Variants in MAGI2 observed in about 807,000 individuals in gnomAD.
MAGI2 encodes membrane associated guanylate kinase, WW and PDZ domain containing 2, also known as membrane-associated guanylate kinase, WW and PDZ domain-containing protein 2.
In MAGI2, 35 loss-of-function variants were observed where a neutral mutation model predicts 133.3. That is an observed-to-expected ratio of 0.26 (90% confidence interval 0.20 to 0.35). The LOEUF (loss-of-function observed/expected upper bound fraction) is 0.35. Among genes scored for constraint, MAGI2 ranks in the 10% least tolerant of loss-of-function variants. The probability of loss-of-function intolerance (pLI) is 1.00; values close to 1 mark genes in which losing one functional copy is unlikely to be tolerated. For missense variants in MAGI2, 1,636 were observed against 1,863.4 expected (o/e 0.88, Z 2.25); for synonymous variants, 729 against 710.6 (o/e 1.03, Z -0.41).
chr7:78,475,310 A>C (rs956862970), intron 6 of MAGI2, among the ~76,000 whole-genome samples: 9 of 151,988 alleles, frequency 5.9e-5, no homozygotes, highest in Admixed American at 3.9e-4. Context: ...TACACCATGG[A>C]TTTATGCTGA....
intron 21 of MAGI2, among the ~76,000 whole-genome samples, chr7:78,060,751 C>G (rs1351958995): frequency 2.6e-5 from 4 of 152,200 alleles, no homozygotes; most frequent in African/African-American, 9.6e-5. Flanking sequence ...GGTGGGGATG[C>G]AGGTCAATGA....
intron 2 of MAGI2, among the ~76,000 whole-genome samples, chr7:78,645,256 C>A (rs947387148): frequency 1.3e-5 from 2 of 152,050 alleles, no homozygotes; most frequent in Admixed American, 6.6e-5. Flanking sequence ...TAATTCTATA[C>A]AAATTCTTTC....
chr7:78,717,978 G>A (rs776597669), intron 2 of MAGI2, among the ~76,000 whole-genome samples: 1 of 152,096 alleles, frequency 6.6e-6, no homozygotes, highest in Non-Finnish European at 1.5e-5. Flanking sequence ...CTGTAATGAT[G>A]GATCCTTTGT....
chr7:78,082,235 G>A (rs1816055039), intron 20 of MAGI2, among the ~76,000 whole-genome samples: 1 of 152,174 alleles, frequency 6.6e-6, no homozygotes, highest in Non-Finnish European at 1.5e-5. Context: ...ATTCACTTGT[G>A]TGTTTATTTT....
At chr7:78,924,436 G>T (rs1277929952) in intron 2 of MAGI2, among the ~76,000 whole-genome samples, 2 of 152,204 alleles carry the variant, frequency 1.3e-5, no homozygotes, top group East Asian at 3.9e-4. Flanking sequence ...GGCCTTTTCT[G>T]CATCTATTGA....
rs749458410 is a variant in MAGI2, at chr7:78,121,022, T to A, written c.3567+4672A>T. Among the ~76,000 whole-genome samples the A allele has an allele frequency of 4.6e-3, 316 of 68,408 alleles. 1 individual carries two copies. Among genetic ancestry groups the A allele is most frequent in the Middle Eastern group, 0.023 (3 of 130 alleles). The allele number at this position is 68,408 out of a possible 152,430, so 44.9% of individuals were successfully genotyped here. ...TCTCAAAAAAAAAAAAAAAAAAAAA[T>A]AATGATGCTGTGACATGTGGTTATC... On this transcript the variant is annotated intron_variant, in intron 20 of 21. Coordinates refer to ENST00000354212, the MANE Select transcript of MAGI2 (RefSeq NM_012301.4).
chr7:78,109,371 GC>G (rs66825460), intron 20 of MAGI2, among the ~76,000 whole-genome samples: 30,534 of 133,390 alleles, frequency 0.23, 3,941 homozygotes, highest in East Asian at 0.52. Context: ...TGTGGCTCAC[GC>G]CTGTAATCCC....
intron 2 of MAGI2, among the ~76,000 whole-genome samples, chr7:78,955,741 CTTTCTTTCTT>C: frequency 1.6e-5 from 1 of 60,694 alleles, no homozygotes; most frequent in South Asian, 5.4e-4. Flanking sequence ...TTCTTTCTTT[CTTTCTTTCTT>C]TCTTTCTTTC....
At chr7:78,430,450 G>A (rs1799686939) in intron 6 of MAGI2, among the ~76,000 whole-genome samples, 1 of 151,574 alleles carries the variant, frequency 6.6e-6, no homozygotes, top group African/African-American at 2.4e-5. Flanking sequence ...AAGTTAAGTA[G>A]TATTCCAGGA....
chr7:78,340,283 AC>A (rs5885050), intron 9 of MAGI2, among the ~76,000 whole-genome samples: 68,399 of 151,894 alleles, frequency 0.45, 15,751 homozygotes, highest in Non-Finnish European at 0.48. Context: ...ATTACACTAT[AC>A]CAAGAAAAAT....
At chr7:79,032,665 T>C (rs1295021870) in intron 1 of MAGI2, among the ~76,000 whole-genome samples, 5 of 152,084 alleles carry the variant, frequency 3.3e-5, no homozygotes, top group Admixed American at 3.3e-4. Flanking sequence ...ACTCTATCTG[T>C]AGCTTTCAGG....
intron 1 of MAGI2, among the ~76,000 whole-genome samples, chr7:79,110,578 C>A (rs1301699556): frequency 6.6e-6 from 1 of 152,210 alleles, no homozygotes; most frequent in African/African-American, 2.4e-5. Context: ...TTTGATTTTA[C>A]AGCTCATAGG....
chr7:79,355,888 G>A (rs1841988262), intron 1 of MAGI2, among the ~76,000 whole-genome samples: 1 of 152,106 alleles, frequency 6.6e-6, no homozygotes. Flanking sequence ...TAACATATTT[G>A]AGAGATTAAT....
At chr7:78,569,516 A>T (rs1436650862) in intron 3 of MAGI2, among the ~76,000 whole-genome samples, 3 of 152,222 alleles carry the variant, frequency 2.0e-5, no homozygotes, top group Non-Finnish European at 4.4e-5. Context: ...CTTTTGGTAG[A>T]TTTGTTTTAA....
chr7:78,875,488 G>A (rs965664755), intron 2 of MAGI2, among the ~76,000 whole-genome samples: 2 of 152,154 alleles, frequency 1.3e-5, no homozygotes, highest in Admixed American at 1.3e-4. Context: ...AAAATTGGCG[G>A]CTTGACATTT....
At chr7:79,121,214 A>C (rs1040839073) in intron 1 of MAGI2, among the ~76,000 whole-genome samples, 3 of 152,122 alleles carry the variant, frequency 2.0e-5, no homozygotes, top group Non-Finnish European at 4.4e-5. Flanking sequence ...TTATCAATGA[A>C]ATTAGAATGA....
At chr7:79,109,762 C>CAA (rs1818754608) in intron 1 of MAGI2, among the ~76,000 whole-genome samples, 1 of 152,092 alleles carries the variant, frequency 6.6e-6, no homozygotes, top group Non-Finnish European at 1.5e-5. Context: ...AAAAGTGCCT[C>CAA]AAAGGCATTT....
At chr7:78,799,852 C>T (rs1787917157) in intron 2 of MAGI2, among the ~76,000 whole-genome samples, 1 of 152,068 alleles carries the variant, frequency 6.6e-6, no homozygotes, top group Admixed American at 6.6e-5. Context: ...ACCTTTTTTC[C>T]ATAGAACATT....
chr7:78,102,181 A>G (rs1028163606), intron 20 of MAGI2, among the ~76,000 whole-genome samples: 1 of 151,910 alleles, frequency 6.6e-6, no homozygotes, highest in Non-Finnish European at 1.5e-5. Context: ...GAGTAAAATG[A>G]TGGTTGTCAG....
Sources: allele counts gnomAD v4.1 joint callset (sites outside exome capture counted in the v4.1 genomes callset), GRCh38; gene constraint gnomAD v4.1.1; transcripts MANE v1.5; gene names NCBI Gene and HGNC (gene_info 2026-07-23, HGNC 2026-07-21).